Variants in DCC observed in about 807,000 individuals in gnomAD.
DCC encodes the protein netrin receptor DCC.
In DCC, 58 loss-of-function variants were observed where a neutral mutation model predicts 172.5. The observed-to-expected ratio is 0.34, with a 90% confidence interval of 0.27 to 0.42. DCC has a LOEUF of 0.42. Among genes scored for constraint, DCC ranks in the 10% least tolerant of loss-of-function variants. The probability of loss-of-function intolerance (pLI) is 1.00; values close to 1 mark genes in which losing one functional copy is unlikely to be tolerated. For synonymous variants in DCC, 709 were observed against 644.5 expected, an observed-to-expected ratio of 1.10 and a Z score of -1.52; for missense variants, 1,740 against 1,791.0, an observed-to-expected ratio of 0.97 and a Z score of 0.51.
intron 2 of DCC, among the ~76,000 whole-genome samples, chr18:52,804,184 A>G (rs1016116241): frequency 1.3e-5 from 2 of 152,242 alleles, no homozygotes; most frequent in Non-Finnish European, 2.9e-5. Context: ...AAATGTATTT[A>G]TATCTTACCA....
At chr18:52,565,361 C>T (rs1488885813) in intron 1 of DCC, among the ~76,000 whole-genome samples, 94 of 152,040 alleles carry the variant, frequency 6.2e-4, no homozygotes, top group Admixed American at 5.9e-3. Context: ...TACCCAGTAA[C>T]GGGATTGCTG....
At chr18:53,020,509 A>G (rs894847231) in intron 5 of DCC, among the ~76,000 whole-genome samples, 3 of 152,188 alleles carry the variant, frequency 2.0e-5, no homozygotes, top group Non-Finnish European at 4.4e-5. Flanking sequence ...AGAACCAGCA[A>G]TAATCCAAAC....
chr18:53,323,940 G>T lies in DCC; in HGVS notation c.2164+1783G>T, dbSNP rs147482962. Among the ~76,000 whole-genome samples the T allele has an allele frequency of 9.9e-4, 145 of 146,042 alleles. 1 individual carries two copies. The highest frequency in any genetic ancestry group is 3.1e-3 in the African/African-American group (127 of 41,270). On this transcript the variant is annotated intron_variant, in intron 14 of 28. Coordinates refer to ENST00000442544, the MANE Select transcript of DCC (RefSeq NM_005215.4). ...ATGATGAAGTTTGTAAGATAAGCAGGTTCCAAATCTGACAAGACAAAGTTA... is the reference window on the plus strand; with the variant it reads ...ATGATGAAGTTTGTAAGATAAGCAGTTTCCAAATCTGACAAGACAAAGTTA...
intron 1 of DCC, among the ~76,000 whole-genome samples, chr18:52,545,388 C>T (rs972650115): frequency 2.6e-5 from 4 of 152,166 alleles, no homozygotes; most frequent in Non-Finnish European, 5.9e-5. Flanking sequence ...TGGACAGGTT[C>T]TCTTGGTTGG....
intron 8 of DCC, among the ~76,000 whole-genome samples, chr18:53,174,338 A>C (rs1486300519): frequency 3.3e-5 from 5 of 150,350 alleles, no homozygotes; most frequent in Admixed American, 2.0e-4. Context: ...TCAGAGCAGA[A>C]TTGAAGGAAA....
At chr18:52,488,349 T>G (rs1258164227) in intron 1 of DCC, among the ~76,000 whole-genome samples, 1 of 152,120 alleles carries the variant, frequency 6.6e-6, no homozygotes, top group Non-Finnish European at 1.5e-5. Context: ...TTATAGCACT[T>G]GAGAAGAATG....
At chr18:53,493,703 CA>C (rs1315748675) in intron 26 of DCC, among the ~76,000 whole-genome samples, 3 of 152,208 alleles carry the variant, frequency 2.0e-5, no homozygotes, top group Admixed American at 1.3e-4. Context: ...TTGATCTTTT[CA>C]AAAAACCAGC....
chr18:53,048,776 C>A (rs1329038229), intron 5 of DCC, among the ~76,000 whole-genome samples: 1 of 151,514 alleles, frequency 6.6e-6, no homozygotes, highest in Non-Finnish European at 1.5e-5. Flanking sequence ...TTCATAATGG[C>A]TGAACTAATT....
At chr18:53,171,360 G>A (rs9953762) in intron 8 of DCC, among the ~76,000 whole-genome samples, 8,730 of 152,240 alleles carry the variant, frequency 0.057, 337 homozygotes, top group East Asian at 0.11. Context: ...TTGAACCATA[G>A]AGTTGTCTTG....
chr18:53,119,443 A>G (rs1457524998), intron 7 of DCC, among the ~76,000 whole-genome samples: 1 of 151,792 alleles, frequency 6.6e-6, no homozygotes, highest in African/African-American at 2.4e-5. Flanking sequence ...ATCCTCACAT[A>G]TTAGACTCTG....
intron 1 of DCC, among the ~76,000 whole-genome samples, chr18:52,359,088 C>T (rs1299825654): frequency 6.6e-6 from 1 of 152,166 alleles, no homozygotes; most frequent in Admixed American, 6.5e-5. Flanking sequence ...ACAGATGTTG[C>T]ATTTCCTATT....
chr18:52,808,834 C>T (rs1397105771), intron 2 of DCC, among the ~76,000 whole-genome samples: 1 of 152,176 alleles, frequency 6.6e-6, no homozygotes, highest in Non-Finnish European at 1.5e-5. Context: ...TCTTACTTTC[C>T]TCTCATGTTC....
At chr18:53,302,980 A>G (rs1470880768) in intron 12 of DCC, among the ~76,000 whole-genome samples, 1 of 152,162 alleles carries the variant, frequency 6.6e-6, no homozygotes, top group African/African-American at 2.4e-5. Flanking sequence ...ATATTCCACA[A>G]TCTTTTTCAG....
At chr18:53,009,240 T>C (rs925698890) in intron 5 of DCC, among the ~76,000 whole-genome samples, 8 of 151,970 alleles carry the variant, frequency 5.3e-5, no homozygotes, top group Non-Finnish European at 1.0e-4. Flanking sequence ...TGATATCCTA[T>C]AAATGTATTT....
At chr18:53,152,864 C>CT (rs35133257) in intron 7 of DCC, among the ~76,000 whole-genome samples, 47,307 of 152,146 alleles carry the variant, frequency 0.31, 9,196 homozygotes, top group East Asian at 0.59. Context: ...AACTGTGTTC[C>CT]TCCGTTTTAA....
chr18:52,724,084 C>T (rs2036515699), intron 1 of DCC, among the ~76,000 whole-genome samples: 1 of 152,174 alleles, frequency 6.6e-6, no homozygotes. Context: ...ATCACTTTCA[C>T]CACCAGATAT....
intron 2 of DCC, among the ~76,000 whole-genome samples, chr18:52,843,526 CAT>C (rs1311638162): frequency 6.6e-6 from 1 of 152,108 alleles, no homozygotes; most frequent in African/African-American, 2.4e-5. Flanking sequence ...TAAAGAAAAA[CAT>C]AATTTTACAC....
chr18:53,076,458 C>G (rs974797549), intron 7 of DCC, among the ~76,000 whole-genome samples: 1 of 152,176 alleles, frequency 6.6e-6, no homozygotes, highest in African/African-American at 2.4e-5. Flanking sequence ...AGCCTGGCTC[C>G]TTAATTCCAC....
chr18:53,049,397 G>T (rs2042303578), intron 5 of DCC, among the ~76,000 whole-genome samples: 1 of 152,056 alleles, frequency 6.6e-6, no homozygotes, highest in Non-Finnish European at 1.5e-5. Context: ...TCAATCTTCT[G>T]CATATGGCTA....
Sources: allele counts gnomAD v4.1 joint callset (sites outside exome capture counted in the v4.1 genomes callset), GRCh38; gene constraint gnomAD v4.1.1; transcripts MANE v1.5; gene names NCBI Gene and HGNC (gene_info 2026-07-23, HGNC 2026-07-21).